MAST3: variants seen among roughly 807,000 people sequenced by gnomAD.
MAST3 encodes the protein microtubule associated serine/threonine kinase 3, also known as microtubule-associated serine/threonine-protein kinase 3.
In MAST3, 43 loss-of-function variants were observed where a neutral mutation model predicts 127.0. That is an observed-to-expected ratio of 0.34 (90% CI 0.27 to 0.44). The LOEUF (loss-of-function observed/expected upper bound fraction) is 0.44. Among genes scored for constraint, MAST3 ranks in the 20% least tolerant of loss-of-function variants. The pLI, the probability that MAST3 is intolerant of heterozygous loss-of-function variation, is 1.00. For synonymous variants in MAST3, 785 were observed against 809.2 expected (o/e 0.97, Z 0.51); for missense variants, 1,390 against 1,919.1 (o/e 0.72, Z 5.15).
At chr19:18,137,771 G>A (rs1320140935) in intron 19 of MAST3, among the ~76,000 whole-genome samples, 2 of 152,198 alleles carry the variant, frequency 1.3e-5, no homozygotes, top group Non-Finnish European at 2.9e-5. Flanking sequence ...TGAGCTCTGA[G>A]GAATGACTCT....
At chr19:18,126,494 C>G (rs985862804) in intron 11 of MAST3, among the ~76,000 whole-genome samples, 1 of 152,216 alleles carries the variant, frequency 6.6e-6, no homozygotes, top group East Asian at 1.9e-4. Flanking sequence ...TGGGGAGGCC[C>G]GGCATGGTAG....
chr19:18,146,914 C>G lies in MAST3; in HGVS notation c.3196C>G (p.Leu1066Val). Residue 1066 changes from leucine (L) to valine (V), a missense_variant, in exon 26 of 28, where the codon CTG (leucine) becomes GTG (valine). Physicochemically the swap from Leu to Val is conservative, Grantham distance 32. Transcript: ENST00000687212. ...CAAGATATCCCTGCGGACCACAGCC[C>G]TGGAGAACACCTCCATCAAGGTGGG... is the stretch of plus-strand genomic sequence containing the variant. ...GNKISLRTTA[L>V]ENTSIKVGPA... 1.3e-6 allele frequency: 2 copies of G among 1,557,270 alleles called. No individual in the cohort carries two copies. The highest frequency in any genetic ancestry group is 1.7e-6 in the Non-Finnish European group (2 of 1,150,222).
chr19:18,149,712 A>G lies in MAST3; in HGVS notation c.4030A>G (p.Thr1344Ala). The G allele has an allele frequency of 1.2e-6, 2 of 1,612,414 alleles. No individual in the cohort carries two copies. The highest frequency in any genetic ancestry group is 1.7e-6 in the Non-Finnish European group (2 of 1,179,672). Reference protein sequence around the residue: ...EEAVPVALGPTGRD With the variant: ...EEAVPVALGPAGRD ...AGCCGTGCCAGTAGCTCTCGGGCCC[A>G]CCGGAAGAGACTGATCCCCTGCCAG... Residue 1344 changes from threonine to alanine, a missense_variant, in exon 28 of 28, where the codon ACC becomes GCC. Thr to Ala is a moderately conservative substitution (Grantham distance 58, BLOSUM62 0). Coordinates refer to ENST00000687212, the MANE Select transcript of MAST3 (RefSeq NM_001393504.1). This position sits in a 1 kb window ranked among gnomAD's most constrained non-coding sequence, Gnocchi z 5.9.
chr19:18,123,117 A>G, intron 6 of MAST3, 100 bp from the exon 7 acceptor site: 1 of 1,292,030 alleles, frequency 7.7e-7, no homozygotes, highest in Non-Finnish European at 1.1e-6. Context: ...TTACCTTCTG[A>G]TGGCCAGCAG....
chr19:18,116,090 CTTTTTTTT>C (rs3048876), intron 3 of MAST3, among the ~76,000 whole-genome samples: 9 of 86,374 alleles, frequency 1.0e-4, no homozygotes, highest in African/African-American at 1.1e-4. Flanking sequence ...TTGAAATTAT[CTTTTTTTT>C]TTTTTTTTTT....
intron 14 of MAST3, 124 bp downstream of exon 14, chr19:18,130,826 GAAC>G: frequency 1.1e-6 from 1 of 929,522 alleles, no homozygotes; most frequent in Non-Finnish European, 1.6e-6. Flanking sequence ...CTGCTTTGGG[GAAC>G]CCTCAGGAAC....
chr19:18,127,415 G>A (rs569396647), intron 11 of MAST3, among the ~76,000 whole-genome samples: 2 of 152,244 alleles, frequency 1.3e-5, no homozygotes, highest in East Asian at 1.9e-4. Context: ...TGGGCGTAGT[G>A]GCTTATACCT....
At position 18,143,972 on chromosome 19, in the gene MAST3, C is replaced by G; in HGVS notation, c.2549C>G (p.Ala850Gly). ...GGGGAGCCTGACCCCCCACCAGCGG[C>G]CACCCCAGTGATGCCCAAGCCCTCG... ...ILGEPDPPPA[A>G]TPVMPKPSSL... is the part of the protein sequence containing the mutation. Residue 850 changes from alanine to glycine, a missense_variant, in exon 22 of 28, where the codon GCC becomes GGC. Transcript: ENST00000687212. 1 of 1,590,444 alleles carries G rather than the reference C, an allele frequency of 6.3e-7. No homozygotes were observed. Among genetic ancestry groups the G allele is most frequent in the African/African-American group, 1.3e-5 (1 of 74,578 alleles).
intron 14 of MAST3, among the ~76,000 whole-genome samples, chr19:18,131,470 G>A (rs1336687811): frequency 2.1e-5 from 3 of 140,448 alleles, no homozygotes; most frequent in African/African-American, 7.8e-5. Context: ...GGAGGCCAAG[G>A]CTGGTGGATC....
chr19:18,147,649 A>G (rs1566030), intron 27 of MAST3, 25 bp downstream of exon 27: 1,403,612 of 1,478,624 alleles, frequency 0.95, 666,396 homozygotes, highest in African/African-American at 0.97. Context: ...ACCCCCCACC[A>G]CCCCGGCTAC....
At chr19:18,123,684 C>A in intron 8 of MAST3, 29 bp downstream of exon 8, 1 of 1,499,976 alleles carries the variant, frequency 6.7e-7, no homozygotes, top group Non-Finnish European at 8.9e-7. Flanking sequence ...CTGGACCAGC[C>A]CCTGCACTTC....
At chr19:18,121,136 A>T (rs1014582302) in intron 3 of MAST3, among the ~76,000 whole-genome samples, 1 of 151,910 alleles carries the variant, frequency 6.6e-6, no homozygotes, top group South Asian at 2.1e-4. Flanking sequence ...GATTACAGGG[A>T]TGAGCCACTG....
In MAST3 at chr19:18,144,806, G is replaced by T. The variant is rs531134197; in HGVS notation, c.2812+113G>T. The T allele has an allele frequency of 2.9e-5, 34 of 1,179,532 alleles. No homozygotes were observed. The African/African-American group carries it at 4.5e-4, about 16-fold the overall frequency. The allele number at this position is 1,179,532 out of a possible 1,614,324, so 73.1% of individuals were successfully genotyped here. A position where few individuals can be genotyped will look rare whatever the true frequency, so the allele number is the denominator to read the frequency against. ...GGATGAGCCCCAGAAGAGGGGAGGA[G>T]GAGTAGGACACATGGAGAGCTGGGG... On this transcript the variant is annotated intron_variant, in intron 23 of 27. Transcript: ENST00000687212. The surrounding 1 kb of genome is among the most constrained non-coding windows in gnomAD (Gnocchi z 4.0).
chr19:18,139,051 A>G lies in MAST3; in HGVS notation c.2132A>G (p.Asp711Gly). 6.2e-7 allele frequency: 1 copy of G among 1,601,428 alleles called. No individual in the cohort carries two copies. Among genetic ancestry groups the G allele is most frequent in the South Asian group, 1.1e-5 (1 of 88,540 alleles). ...SERYRHLGSE[D>G]DETNDEESST... ...CGTTACCGCCATCTGGGCTCCGAGGACGACGAGACCAATGATGAAGAATCG... is the reference window on the plus strand; with the variant it reads ...CGTTACCGCCATCTGGGCTCCGAGGGCGACGAGACCAATGATGAAGAATCG... The change falls in exon 20 of 28, where the codon GAC (aspartate) becomes GGC (glycine). Residue 711 changes from aspartate to glycine, a missense_variant. Asp to Gly is a moderately conservative substitution (Grantham distance 94, BLOSUM62 -1). Coordinates refer to ENST00000687212, the MANE Select transcript of MAST3 (RefSeq NM_001393504.1).
At position 18,134,666 on chromosome 19, in the gene MAST3, T is replaced by C. The variant is rs1433873744; in HGVS notation, c.1659T>C (p.Tyr553=). Residue 553 remains tyrosine, a synonymous_variant, in exon 16 of 28, where the codon TAT becomes TAC. Coordinates refer to ENST00000687212, the MANE Select transcript of MAST3 (RefSeq NM_001393504.1). ...TCATGAGCATGGCCACCAACCTCTA[T>C]GAGGGCCACATCGAGAAGGACGCCC... The part of the protein sequence containing the change: ...IGLMSMATNL[Y]EGHIEKDARE... 1 of 1,613,540 alleles carries C rather than the reference T, an allele frequency of 6.2e-7. No homozygotes were observed. Among genetic ancestry groups the C allele is most frequent in the East Asian group, 2.2e-5 (1 of 44,882 alleles).
chr19:18,113,269 C>A (rs111897883), intron 3 of MAST3, among the ~76,000 whole-genome samples: 67 of 152,066 alleles, frequency 4.4e-4, no homozygotes, highest in Non-Finnish European at 7.2e-4. Flanking sequence ...CAACAGAGTC[C>A]AGCCTCTGCA....
Position 18,146,978 on chromosome 19 carries a change from G to T in MAST3, c.3260G>T (p.Arg1087Leu), listed in dbSNP as rs56370707. The change falls in exon 26 of 28, where the codon CGC (arginine) becomes CTC (leucine). Residue 1087 changes from arginine to leucine, a missense_variant. This residue lies in a region of MAST3 where 816 missense variants were observed against 934.1 expected (regional missense o/e 0.87). Coordinates refer to ENST00000687212, the MANE Select transcript of MAST3 (RefSeq NM_001393504.1). Reference protein sequence around the residue: ...RKNVAKGRMARRSKRSRRRET... With the variant: ...RKNVAKGRMALRSKRSRRRET... ...AATGTGGCCAAGGGCCGCATGGCAC[G>T]CAGGAGCAAGAGGAGCCGTCGGCGG... 17 of 1,566,630 alleles carry T rather than the reference G, an allele frequency of 1.1e-5. No individual in the cohort carries two copies. The highest frequency in any genetic ancestry group is 2.4e-5 in the East Asian group (1 of 42,352).
intron 6 of MAST3, 109 bp downstream of exon 6, chr19:18,122,860 ATACTAGT>A: frequency 8.5e-7 from 1 of 1,180,518 alleles, no homozygotes; most frequent in Non-Finnish European, 1.2e-6. Context: ...GTCAGCAAAC[ATACTAGT>A]TACTTCCTCC....
chr19:18,120,709 G>T (rs552373249), intron 3 of MAST3, among the ~76,000 whole-genome samples: 116 of 150,714 alleles, frequency 7.7e-4, no homozygotes, highest in Middle Eastern at 3.4e-3. Context: ...CTAATTTTTG[G>T]TTTTTTTGTT....
Sources: gnomAD v4.1 joint callset for allele counts (sites outside exome capture counted in the v4.1 genomes callset) on GRCh38, gnomAD v4.1.1 for gene constraint, gnomAD v4.1.1 regional missense constraint, Gnocchi (gnomAD v3.1) non-coding constraint, MANE v1.5 for transcripts, NCBI Gene and HGNC (gene_info 2026-07-23, HGNC 2026-07-21) for gene names.